RBFOX1: variants seen among roughly 807,000 people sequenced by gnomAD.
RBFOX1 encodes RNA binding protein fox-1 homolog 1.
A neutral mutation model predicts 57.7 loss-of-function variants in RBFOX1; 8 were observed. That is an observed-to-expected ratio of 0.14 (90% confidence interval 0.08 to 0.25). The LOEUF (loss-of-function observed/expected upper bound fraction) is 0.25. RBFOX1 is among the 10% of genes least tolerant of loss of function. RBFOX1 has a pLI of 1.00. For missense variants in RBFOX1, 611 were observed against 548.5 expected (o/e 1.11, Z -1.14); for synonymous variants, 326 against 222.4 (o/e 1.47, Z -4.15).
intron 3 of RBFOX1, among the ~76,000 whole-genome samples, chr16:7,041,279 C>T (rs1249912079): frequency 2.0e-5 from 3 of 151,912 alleles, no homozygotes; most frequent in Non-Finnish European, 2.9e-5. Flanking sequence ...CATTTGTTTA[C>T]ACGTTGTCAG....
chr16:6,751,355 T>C (rs956941338), intron 3 of RBFOX1, among the ~76,000 whole-genome samples: 6 of 151,920 alleles, frequency 3.9e-5, no homozygotes, highest in African/African-American at 1.5e-4. Flanking sequence ...GGACTGAAAA[T>C]GTACTTAGAA....
intron 3 of RBFOX1, among the ~76,000 whole-genome samples, chr16:6,827,827 C>A (rs925433911): frequency 7.9e-5 from 12 of 152,220 alleles, no homozygotes; most frequent in African/African-American, 2.9e-4. Context: ...GGAATGCCTG[C>A]CTTGAAACCT....
At chr16:5,579,702 T>C (rs2151154085) in intron 2 of RBFOX1, among the ~76,000 whole-genome samples, 1 of 152,198 alleles carries the variant, frequency 6.6e-6, no homozygotes, top group African/African-American at 2.4e-5. Flanking sequence ...CTCGCTTGAC[T>C]TTTCCTTTCA....
chr16:7,009,632 G>A (rs1445001056), intron 3 of RBFOX1, among the ~76,000 whole-genome samples: 1 of 152,140 alleles, frequency 6.6e-6, no homozygotes, highest in Non-Finnish European at 1.5e-5. Flanking sequence ...TAGCATATTG[G>A]AATTCTACCG....
rs570612445 is a variant in RBFOX1, at chr16:6,733,976, A to C, written c.-16+79326A>C. Reference sequence around the variant, plus strand: ...ATCTTTAAGGGTTGCCATAAAGACAAAGTTTATAGGACACAGTGTTCAGTC... The same window carrying C: ...ATCTTTAAGGGTTGCCATAAAGACACAGTTTATAGGACACAGTGTTCAGTC... On this transcript the variant is annotated intron_variant, in intron 3 of 15. Transcript: ENST00000550418. 3.3e-5 allele frequency among the ~76,000 whole-genome samples: 5 copies of C among 152,280 alleles called. No homozygotes were observed. In the East Asian group the frequency reaches 7.7e-4, roughly 23 times the overall value.
chr16:6,772,342 A>C (rs983602903), intron 3 of RBFOX1, among the ~76,000 whole-genome samples: 1 of 152,164 alleles, frequency 6.6e-6, no homozygotes, highest in African/African-American at 2.4e-5. Context: ...GAGCTATCCA[A>C]ATAATTTATT....
intron 2 of RBFOX1, among the ~76,000 whole-genome samples, chr16:6,482,105 C>A (rs971366855): frequency 6.6e-6 from 1 of 152,054 alleles, no homozygotes; most frequent in African/African-American, 2.4e-5. Context: ...TGCATAAAAT[C>A]CTAATCAGTT....
intron 4 of RBFOX1, among the ~76,000 whole-genome samples, chr16:5,918,582 C>G (rs1188891009): frequency 6.6e-6 from 1 of 152,196 alleles, no homozygotes; most frequent in Non-Finnish European, 1.5e-5. Flanking sequence ...CAAAATTAGT[C>G]CACAATTCTC....
At chr16:6,405,563 G>T (rs1005135735) in intron 2 of RBFOX1, among the ~76,000 whole-genome samples, 1 of 152,106 alleles carries the variant, frequency 6.6e-6, no homozygotes, top group Non-Finnish European at 1.5e-5. Context: ...GAAACTCCTT[G>T]GTCAGAACTA....
chr16:6,304,277 G>C (rs1256475217), intron 1 of RBFOX1, among the ~76,000 whole-genome samples: 1 of 151,950 alleles, frequency 6.6e-6, no homozygotes, highest in Non-Finnish European at 1.5e-5. Context: ...AATACAGTGA[G>C]AGTCCATCTC....
At chr16:5,871,435 G>T (rs1013510702) in intron 4 of RBFOX1, among the ~76,000 whole-genome samples, 2 of 152,186 alleles carry the variant, frequency 1.3e-5, no homozygotes, top group Admixed American at 6.5e-5. Context: ...GCCCTGCATG[G>T]TTCCATTTTG....
intron 3 of RBFOX1, among the ~76,000 whole-genome samples, chr16:7,028,059 C>T (rs1171700085): frequency 6.6e-6 from 1 of 152,054 alleles, no homozygotes; most frequent in Non-Finnish European, 1.5e-5. Flanking sequence ...AGAAAGTGTT[C>T]GCAGCCCTGA....
intron 2 of RBFOX1, among the ~76,000 whole-genome samples, chr16:6,497,366 A>C (rs1195765080): frequency 6.6e-6 from 1 of 152,032 alleles, no homozygotes; most frequent in African/African-American, 2.4e-5. Flanking sequence ...CCCTCCACAG[A>C]CTTTCTCTAA....
chr16:6,864,361 A>T (rs1035592171), intron 3 of RBFOX1, among the ~76,000 whole-genome samples: 2 of 152,180 alleles, frequency 1.3e-5, no homozygotes, highest in African/African-American at 4.8e-5. Flanking sequence ...TAATAATTTC[A>T]GACTGCAATA....
At chr16:5,875,124 A>ACAG (rs1018525992) in intron 4 of RBFOX1, among the ~76,000 whole-genome samples, 1 of 152,228 alleles carries the variant, frequency 6.6e-6, no homozygotes, top group Non-Finnish European at 1.5e-5. Flanking sequence ...TCCCATAGCA[A>ACAG]CAGCAGCAGC....
At chr16:6,896,986 G>T (rs114839644) in intron 3 of RBFOX1, among the ~76,000 whole-genome samples, 1 of 152,158 alleles carries the variant, frequency 6.6e-6, no homozygotes, top group Non-Finnish European at 1.5e-5. Flanking sequence ...AGGAAATGTC[G>T]TGGCTAACAG....
intron 4 of RBFOX1, among the ~76,000 whole-genome samples, chr16:7,415,283 C>A (rs1268751019): frequency 6.6e-6 from 1 of 152,166 alleles, no homozygotes; most frequent in Non-Finnish European, 1.5e-5. Context: ...ATGACAGGTA[C>A]CACTGGCTAG....
intron 4 of RBFOX1, among the ~76,000 whole-genome samples, chr16:7,509,424 GTGTGTGTC>G (rs891410446): frequency 1.0e-4 from 15 of 144,380 alleles, no homozygotes; most frequent in East Asian, 1.9e-4. Flanking sequence ...GTGTGTGTGT[GTGTGTGTC>G]TGTGTCTGTG....
intron 3 of RBFOX1, among the ~76,000 whole-genome samples, chr16:5,640,426 TACAC>T: frequency 6.7e-6 from 1 of 150,182 alleles, no homozygotes; most frequent in Non-Finnish European, 1.5e-5. Flanking sequence ...CATGCACACA[TACAC>T]ATGCACATGA....
Sources: gnomAD v4.1 joint callset for allele counts (sites outside exome capture counted in the v4.1 genomes callset) on GRCh38, gnomAD v4.1.1 for gene constraint, MANE v1.5 for transcripts, NCBI Gene and HGNC (gene_info 2026-07-23, HGNC 2026-07-21) for gene names.